Variants in ERRFI1 observed in about 807,000 individuals in gnomAD.
ERRFI1 encodes the protein mitogen-inducible gene 6 protein.
A neutral mutation model predicts 14.6 loss-of-function variants in ERRFI1; 12 were observed. The observed-to-expected ratio is 0.82, with a 90% CI of 0.53 to 1.33. The LOEUF (loss-of-function observed/expected upper bound fraction) is 1.33. Among genes scored for constraint, ERRFI1 ranks in the 40% most tolerant of loss-of-function variants. The pLI is 0.00. For missense variants in ERRFI1, 482 were observed against 572.1 expected (o/e 0.84, Z 1.61); for synonymous variants, 202 against 209.9 (o/e 0.96, Z 0.32).
rs765025014 is a variant in ERRFI1, at chr1:8,014,153, C to G, written c.446G>C (p.Gly149Ala). 2.5e-5 allele frequency: 41 copies of G among 1,613,974 alleles called. No homozygotes were observed. The highest frequency in any genetic ancestry group is 3.3e-5 in the Non-Finnish European group (39 of 1,180,030). Residue 149 changes from glycine to alanine, a missense_variant, in exon 4 of 4, where the codon GGT (glycine) becomes GCT (alanine). Physicochemically the swap from Gly to Ala is moderately conservative, Grantham distance 60. Transcript: ENST00000377482. Reference protein sequence around the residue: ...LFPCAPLCERGSRPLPPLPIS... With the variant: ...LFPCAPLCERASRPLPPLPIS... ...TGGCAACGGTGGAAGAGGCCTAGAA[C>G]CCCGTTCACAAAGAGGGGCACAGGG...
At chr1:8,015,741 C>T (rs1641164547) in intron 1 of ERRFI1, 49 bp from the exon 2 acceptor site, 2 of 1,237,644 alleles carry the variant, frequency 1.6e-6, no homozygotes, top group South Asian at 1.4e-5. Flanking sequence ...TCAGAAATAC[C>T]TCCATTAGGA....
intron 1 of ERRFI1, among the ~76,000 whole-genome samples, chr1:8,025,656 A>G (rs1216587311): frequency 6.6e-6 from 1 of 151,928 alleles, no homozygotes; most frequent in Non-Finnish European, 1.5e-5. Context: ...CCCCCTTTTT[A>G]CAAATAAAAA....
chr1:8,020,702 G>T (rs548923533), intron 1 of ERRFI1, among the ~76,000 whole-genome samples: 1 of 151,964 alleles, frequency 6.6e-6, no homozygotes, highest in Non-Finnish European at 1.5e-5. Context: ...GCACCAACTC[G>T]CCAGGCTAAT....
chr1:8,015,558 T>C lies in ERRFI1; in HGVS notation c.62A>G (p.His21Arg), dbSNP rs200259274. The C allele has an allele frequency of 1.1e-3, 1,751 of 1,614,058 alleles. 1 individual carries two copies. The highest frequency in any genetic ancestry group is 1.4e-3 in the Non-Finnish European group (1,698 of 1,180,006). Reference sequence around the variant, plus strand: ...CATATTCCCCATGGCTCGGCCATTATGTAGAAATCCAGTTTTTAATGGGAC... The same window carrying C: ...CATATTCCCCATGGCTCGGCCATTACGTAGAAATCCAGTTTTTAATGGGAC... The part of the protein sequence containing the change: ...IRVPLKTGFL[H>R]NGRAMGNMRK... The change falls in exon 2 of 4, where the codon CAT becomes CGT. Residue 21 changes from histidine (H) to arginine (R), a missense_variant. Physicochemically the swap from His to Arg is conservative, Grantham distance 29. Coordinates refer to ENST00000377482, the MANE Select transcript of ERRFI1 (RefSeq NM_018948.4).
At chr1:8,024,213 A>ATACCTG (rs1641313438) in intron 1 of ERRFI1, among the ~76,000 whole-genome samples, 1 of 152,212 alleles carries the variant, frequency 6.6e-6, no homozygotes, top group African/African-American at 2.4e-5. Context: ...ATCTAGCTCA[A>ATACCTG]CTTTTGAGAA....
chr1:8,022,917 G>T (rs1391735557), intron 1 of ERRFI1, among the ~76,000 whole-genome samples: 1 of 152,164 alleles, frequency 6.6e-6, no homozygotes, highest in South Asian at 2.1e-4. Context: ...GAGGGAGGAA[G>T]AGAATAGCCA....
At position 8,015,698 on chromosome 1, in the gene ERRFI1, A is replaced by G. The variant is rs762427340; in HGVS notation, c.-73-6T>C. 4.3e-5 allele frequency: 68 copies of G among 1,564,374 alleles called. No individual in the cohort carries two copies. The highest frequency in any genetic ancestry group is 3.6e-4 in the South Asian group (32 of 88,688). ...CAACCAGTAGCTTTCATTCCCTGGGAGGTAGAAGAGATGAGAGAATAAAGA... is the reference window on the plus strand; with the variant it reads ...CAACCAGTAGCTTTCATTCCCTGGGGGGTAGAAGAGATGAGAGAATAAAGA... On this transcript the variant is annotated splice_polypyrimidine_tract_variant and splice_region_variant and intron_variant, in intron 1 of 3. Transcript: ENST00000377482.
At position 8,012,096 on chromosome 1, in the gene ERRFI1, TGA is replaced by T. The variant is rs1287058376; in HGVS notation, c.*1112_*1113del. ...CATCTAAGTGAAGCAGCCACAGCTG[TGA>T]GAGTTTTCAAAGCAGAAAGATGCTG... On this transcript the variant is annotated 3_prime_UTR_variant, in exon 4 of 4. Coordinates refer to ENST00000377482, the MANE Select transcript of ERRFI1 (RefSeq NM_018948.4). The T allele has an allele frequency of 3.5e-4, 81 of 230,224 alleles. No homozygotes were observed. The highest frequency in any genetic ancestry group is 1.2e-3 in the East Asian group (19 of 16,264). 14.3% of individuals were successfully genotyped at this position (230,224 alleles called of 1,614,324 possible). A position where few individuals can be genotyped will look rare whatever the true frequency, so the allele number is the denominator to read the frequency against.
At chr1:8,018,478 ATC>A (rs1380374700) in intron 1 of ERRFI1, among the ~76,000 whole-genome samples, 1 of 150,202 alleles carries the variant, frequency 6.7e-6, no homozygotes, top group East Asian at 2.0e-4. Context: ...TTCACATTTT[ATC>A]TGTCTTACAA....
intron 1 of ERRFI1, among the ~76,000 whole-genome samples, chr1:8,018,512 C>A (rs1480381054): frequency 6.6e-6 from 1 of 151,694 alleles, no homozygotes. Flanking sequence ...AAAACAATTG[C>A]AAAAATGTAC....
intron 1 of ERRFI1, among the ~76,000 whole-genome samples, chr1:8,016,746 C>A (rs1178322843): frequency 1.3e-5 from 2 of 152,106 alleles, no homozygotes; most frequent in African/African-American, 4.8e-5. Flanking sequence ...TTTGGGGGCA[C>A]GTACATATAC....
intron 3 of ERRFI1, 29 bp downstream of exon 3, chr1:8,015,279 T>G (rs1641156447): frequency 6.3e-7 from 1 of 1,594,122 alleles, no homozygotes; most frequent in Non-Finnish European, 8.6e-7. Context: ...CTCAAATGCT[T>G]ACTGTGATCA....
rs746338165 is a variant in ERRFI1 at position 8,013,242 on chromosome 1, G to A, written c.1357C>T (p.Arg453Cys). ...GAAACCACATAGGATAAATGTTTAC[G>A]CTTCACGTGGCCACCCAGATCCATT... ...TKMDLGGHVK[R>C]KHLSYVVSP is the part of the protein sequence containing the mutation. Residue 453 changes from arginine to cysteine, a missense_variant, in exon 4 of 4, where the codon CGT becomes TGT. Physicochemically the swap from Arg to Cys is radical, Grantham distance 180 (BLOSUM62 -3). Coordinates refer to ENST00000377482, the MANE Select transcript of ERRFI1 (RefSeq NM_018948.4). The surrounding 1 kb of genome is among the most constrained non-coding windows in gnomAD (Gnocchi z 4.3). The A allele has an allele frequency of 4.3e-6, 7 of 1,613,414 alleles. No individual in the cohort carries two copies. Among genetic ancestry groups the A allele is most frequent in the Non-Finnish European group, 4.2e-6 (5 of 1,179,876 alleles).
At chr1:8,014,618 A>G (rs1569673) in intron 3 of ERRFI1, 12,442 of 539,734 alleles carry the variant, frequency 0.023, 1,176 homozygotes, top group African/African-American at 0.21. Flanking sequence ...TATCTCCTCT[A>G]TCTCCCTTGG....
chr1:8,016,825 G>A (rs1403850108), intron 1 of ERRFI1, among the ~76,000 whole-genome samples: 4 of 151,980 alleles, frequency 2.6e-5, no homozygotes, highest in Non-Finnish European at 4.4e-5. Context: ...TATCTGCACA[G>A]CTGAGTGCTG....
intron 1 of ERRFI1, among the ~76,000 whole-genome samples, chr1:8,021,455 CAG>C (rs1235151248): frequency 1.3e-5 from 2 of 152,136 alleles, no homozygotes; most frequent in East Asian, 1.9e-4. Context: ...TATATACACA[CAG>C]AGGGGAGAAA....
In ERRFI1 at chr1:8,015,549, C is replaced by G. The variant is rs1404100307; in HGVS notation, c.71G>C (p.Arg24Pro). 1.2e-6 allele frequency: 2 copies of G among 1,613,986 alleles called. No homozygotes were observed. Among genetic ancestry groups the G allele is most frequent in the African/African-American group, 2.7e-5 (2 of 74,888 alleles). The change falls in exon 2 of 4, where the codon CGA (arginine) becomes CCA (proline). Residue 24 changes from arginine to proline, a missense_variant. Transcript: ENST00000377482. Reference protein sequence around the residue: ...PLKTGFLHNGRAMGNMRKTYW... With the variant: ...PLKTGFLHNGPAMGNMRKTYW... ...GGTCTTCCTCATATTCCCCATGGCT[C>G]GGCCATTATGTAGAAATCCAGTTTT...
chr1:8,025,618 G>A (rs1290860195), intron 1 of ERRFI1, among the ~76,000 whole-genome samples: 1 of 152,062 alleles, frequency 6.6e-6, no homozygotes, highest in East Asian at 1.9e-4. Context: ...AGGATTTACG[G>A]GTACACGGTG....
In ERRFI1 at chr1:8,011,769, A is replaced by G. The variant is rs1458337950; in HGVS notation, c.*1441T>C. On this transcript the variant is annotated 3_prime_UTR_variant, in exon 4 of 4. Transcript: ENST00000377482. The stretch of plus-strand genomic sequence containing the variant: ...AACTTTATTAAAATGAAAAGACAAT[A>G]TTCAAAATAATGCAACAAAATGAAT... 1.0e-5 allele frequency: 2 copies of G among 197,964 alleles called. No individual in the cohort carries two copies. The highest frequency in any genetic ancestry group is 2.1e-5 in the Non-Finnish European group (2 of 95,256). 12.3% of individuals were successfully genotyped at this position (197,964 alleles called of 1,614,324 possible). A position where few individuals can be genotyped will look rare whatever the true frequency, so the allele number is the denominator to read the frequency against.
Sources: allele counts gnomAD v4.1 joint callset (sites outside exome capture counted in the v4.1 genomes callset), GRCh38; gene constraint gnomAD v4.1.1; non-coding constraint Gnocchi (gnomAD v3.1); transcripts MANE v1.5; gene names NCBI Gene and HGNC (gene_info 2026-07-23, HGNC 2026-07-21).